Variants in CLASP1 observed in about 807,000 individuals in gnomAD.
The protein encoded by CLASP1 is CLIP-associating protein 1.
A neutral mutation model predicts 192.3 loss-of-function variants in CLASP1; 38 were observed. The observed-to-expected ratio is 0.20, with a 90% CI of 0.15 to 0.26. The LOEUF (loss-of-function observed/expected upper bound fraction) is 0.26. Ranked by LOEUF, CLASP1 falls within the 10% of genes least tolerant of loss-of-function variation. CLASP1 has a pLI of 1.00. For missense variants in CLASP1, 1,433 were observed against 1,932.5 expected, an observed-to-expected ratio of 0.74 and a Z score of 4.85; for synonymous variants, 691 against 712.8, an observed-to-expected ratio of 0.97 and a Z score of 0.49.
chr2:121,442,747 G>A (rs755632625), intron 19 of CLASP1, among the ~76,000 whole-genome samples: 1 of 151,984 alleles, frequency 6.6e-6, no homozygotes, highest in Non-Finnish European at 1.5e-5. Flanking sequence ...CCAAACTGCT[G>A]GGATTACAGG....
intron 2 of CLASP1, among the ~76,000 whole-genome samples, chr2:121,544,229 T>G (rs1482143370): frequency 6.6e-6 from 1 of 152,158 alleles, no homozygotes; most frequent in Non-Finnish European, 1.5e-5. Flanking sequence ...GTAACTAATT[T>G]TAGAGACCAA....
rs1318357332 is a variant in CLASP1, at chr2:121,449,167, G to A, written c.1524-47C>T. 12 of 1,571,286 alleles carry A rather than the reference G, an allele frequency of 7.6e-6. No individual in the cohort carries two copies. The East Asian group carries it at 2.5e-4, about 32-fold the overall frequency. Reference sequence around the variant, plus strand: ...CTGGTCTAATTCAAGGATCCAAACAGGTCTTTTGCTGAACTCTGGAGTACA... The same window carrying A: ...CTGGTCTAATTCAAGGATCCAAACAAGTCTTTTGCTGAACTCTGGAGTACA... On this transcript the variant is annotated intron_variant, in intron 16 of 39. Transcript: ENST00000263710.
chr2:121,382,614 G>C, intron 32 of CLASP1, among the ~76,000 whole-genome samples: 1 of 152,204 alleles, frequency 6.6e-6, no homozygotes, highest in East Asian at 1.9e-4. Flanking sequence ...GAGACTGTGT[G>C]TATATGTCAG....
chr2:121,355,425 G>A (rs58649522), intron 37 of CLASP1, among the ~76,000 whole-genome samples: 2,060 of 152,204 alleles, frequency 0.014, 42 homozygotes, highest in African/African-American at 0.046. Context: ...CACCACGCCC[G>A]GATGATCAAA....
intron 7 of CLASP1, among the ~76,000 whole-genome samples, chr2:121,508,022 G>T (rs750894129): frequency 6.6e-6 from 1 of 152,006 alleles, no homozygotes; most frequent in South Asian, 2.1e-4. Context: ...AAAGGACACT[G>T]TACAACAGCT....
chr2:121,365,129 G>A (rs1573842513), exon 36 of CLASP1: 2 of 1,613,952 alleles, frequency 1.2e-6, no homozygotes, highest in Non-Finnish European at 1.7e-6. Context: ...AGCAGGAGCA[G>A]AATGGTCTTG....
At position 121,478,983 on chromosome 2, in the gene CLASP1, CCACACACCCCA is replaced by C. The variant is rs1559370189; in HGVS notation, c.713-9034_713-9024del. 2.2e-4 allele frequency among the ~76,000 whole-genome samples: 9 copies of C among 40,788 alleles called. No homozygotes were observed. In the East Asian group the frequency reaches 3.4e-3, roughly 16 times the overall value. The allele number at this position is 40,788 out of a possible 152,430, so 26.8% of individuals were successfully genotyped here. The stretch of plus-strand genomic sequence containing the variant: ...ACACACCACACACACCACACACACA[CCACACACCCCA>C]CACACACACCACACACACACACCAC... On this transcript the variant is annotated intron_variant, in intron 8 of 39. Transcript: ENST00000263710.
At chr2:121,568,711 T>C (rs975663378) in intron 2 of CLASP1, among the ~76,000 whole-genome samples, 1 of 152,040 alleles carries the variant, frequency 6.6e-6, no homozygotes, top group Non-Finnish European at 1.5e-5. Flanking sequence ...GAAGTCACCA[T>C]TACAAATATA....
chr2:121,574,120 G>T (rs2060236014), intron 2 of CLASP1, among the ~76,000 whole-genome samples: 1 of 152,160 alleles, frequency 6.6e-6, no homozygotes, highest in Non-Finnish European at 1.5e-5. Flanking sequence ...ACAAGGTCAG[G>T]AGATCGAGAC....
exon 25 of CLASP1, chr2:121,407,480 C>T: frequency 1.2e-6 from 2 of 1,613,918 alleles, no homozygotes; most frequent in Non-Finnish European, 1.7e-6. Context: ...CCTCAGTGTT[C>T]TTTGGCTCTT....
rs745816457 is a variant in CLASP1, at chr2:121,527,895, A to AGATGACAAAGAACAGGT, written c.379-22_379-6dup. On this transcript the variant is annotated splice_region_variant and splice_polypyrimidine_tract_variant and intron_variant, in intron 4 of 39. Transcript: ENST00000263710. Reference sequence around the variant, plus strand: ...AAGCATTCTGTCCCATACGTACTGCAGATGACAAAGAACAGGTGAGGAAAG... The same window carrying AGATGACAAAGAACAGGT: ...AAGCATTCTGTCCCATACGTACTGCAGATGACAAAGAACAGGTGATGACAAAGAACAGGTGAGGAAAG... 3.7e-4 allele frequency: 598 copies of AGATGACAAAGAACAGGT among 1,611,020 alleles called. 1 individual carries two copies. The highest frequency in any genetic ancestry group is 8.2e-4 in the Middle Eastern group (5 of 6,080).
At chr2:121,351,278 C>T (rs2064344109) in intron 37 of CLASP1, among the ~76,000 whole-genome samples, 1 of 152,228 alleles carries the variant, frequency 6.6e-6, no homozygotes, top group African/African-American at 2.4e-5. Flanking sequence ...CCCTATCAGA[C>T]CAGTGACACT....
At chr2:121,545,699 T>C (rs934982250) in intron 2 of CLASP1, among the ~76,000 whole-genome samples, 2 of 152,186 alleles carry the variant, frequency 1.3e-5, no homozygotes, top group Non-Finnish European at 2.9e-5. Flanking sequence ...GAATATTTTA[T>C]AGGTGGTACT....
At position 121,470,293 on chromosome 2, in the gene CLASP1, C is replaced by CTTTTTTTTTTTTTTTTT. The variant is rs70954550; in HGVS notation, c.713-350_713-334dup. 2.3e-5 allele frequency: 7 copies of CTTTTTTTTTTTTTTTTT among 309,054 alleles called. 1 individual carries two copies. Among genetic ancestry groups the CTTTTTTTTTTTTTTTTT allele is most frequent in the African/African-American group, 8.6e-5 (3 of 34,804 alleles). 19.1% of individuals were successfully genotyped at this position (309,054 alleles called of 1,614,324 possible). ...TCTGCAACATTTCTGACCATCCATG[C>CTTTTTTTTTTTTTTTTT]TTTTTTTTTTTTTTTTTTTTTTTTT... On this transcript the variant is annotated intron_variant, in intron 8 of 39. Transcript: ENST00000263710.
chr2:121,519,555 A>C (rs1463524077), intron 6 of CLASP1, among the ~76,000 whole-genome samples: 1 of 152,188 alleles, frequency 6.6e-6, no homozygotes, highest in African/African-American at 2.4e-5. Context: ...TAAAATTAAA[A>C]CATTCTGCAG....
intron 8 of CLASP1, among the ~76,000 whole-genome samples, chr2:121,480,112 G>A (rs1436444776): frequency 3.9e-5 from 6 of 152,180 alleles, no homozygotes; most frequent in African/African-American, 1.4e-4. Flanking sequence ...TACAGATAAC[G>A]TGAGAAGAGA....
At chr2:121,530,419 C>A (rs1198770983) in intron 2 of CLASP1, 94 bp from the exon 3 acceptor site, 8 of 925,920 alleles carry the variant, frequency 8.6e-6, no homozygotes, top group Non-Finnish European at 1.3e-5. Flanking sequence ...ATTTCCGGCC[C>A]AGACGCAGTC....
intron 35 of CLASP1, 66 bp downstream of exon 36, chr2:121,367,522 G>C (rs1313492687): frequency 1.9e-6 from 3 of 1,600,042 alleles, no homozygotes; most frequent in Non-Finnish European, 2.6e-6. Flanking sequence ...CCTGGTGCTG[G>C]CCAGACGGGA....
intron 1 of CLASP1, among the ~76,000 whole-genome samples, chr2:121,624,642 C>A (rs1355966976): frequency 6.6e-6 from 1 of 152,190 alleles, no homozygotes; most frequent in Admixed American, 6.5e-5. Flanking sequence ...GTCTTGAACT[C>A]CTGATCTCAG....
Sources: gnomAD v4.1 joint callset for allele counts (sites outside exome capture counted in the v4.1 genomes callset) on GRCh38, gnomAD v4.1.1 for gene constraint, MANE v1.5 for transcripts, NCBI Gene and HGNC (gene_info 2026-07-23, HGNC 2026-07-21) for gene names.